The following TANC2 variants were observed in gnomAD, a reference collection of about 807,000 sequenced individuals.
The protein encoded by TANC2 is protein TANC2.
TANC2 carries 26 observed loss-of-function variants against 210.5 expected under a neutral mutation model. The observed-to-expected ratio is 0.12, with a 90% CI of 0.09 to 0.17. The LOEUF is 0.17. Ranked by LOEUF, TANC2 falls within the 10% of genes least tolerant of loss-of-function variation. TANC2 has a pLI of 1.00. For missense variants in TANC2, 2,129 were observed against 2,608.9 expected (o/e 0.82, Z 4.01); for synonymous variants, 931 against 967.1 (o/e 0.96, Z 0.69).
intron 3 of TANC2, among the ~76,000 whole-genome samples, chr17:63,095,943 A>C (rs1355690431): frequency 6.6e-6 from 1 of 152,212 alleles, no homozygotes; most frequent in African/African-American, 2.4e-5. Flanking sequence ...GAGTGTTATT[A>C]GTTTCTAAAA....
At chr17:63,220,574 C>T (rs2042143951) in intron 7 of TANC2, among the ~76,000 whole-genome samples, 3 of 151,016 alleles carry the variant, frequency 2.0e-5, no homozygotes, top group East Asian at 3.9e-4. Context: ...TGTGGTAGCG[C>T]GTGTCTCTAG....
chr17:63,229,264 C>T (rs1188413445), intron 7 of TANC2, among the ~76,000 whole-genome samples: 3 of 152,110 alleles, frequency 2.0e-5, no homozygotes, highest in African/African-American at 4.8e-5. Flanking sequence ...AGCCTTGCAC[C>T]CCAGGGATGA....
intron 4 of TANC2, chr17:63,149,091 C>T (rs149555291): frequency 6.6e-6 from 1 of 152,166 alleles, no homozygotes; most frequent in East Asian, 1.9e-4. Flanking sequence ...TAAAGATAAC[C>T]TCAGTTGGAA....
intron 2 of TANC2, among the ~76,000 whole-genome samples, chr17:63,054,233 C>A (rs942867890): frequency 2.0e-5 from 3 of 152,128 alleles, no homozygotes; most frequent in African/African-American, 7.2e-5. Flanking sequence ...ATGCCTAAAC[C>A]AAGTCTAGCT....
intron 2 of TANC2, among the ~76,000 whole-genome samples, chr17:63,057,123 C>T (rs2144485583): frequency 6.6e-6 from 1 of 152,110 alleles, no homozygotes; most frequent in Non-Finnish European, 1.5e-5. Context: ...CCATCATGTC[C>T]AGTTGAGGGC....
At chr17:63,387,172 A>G (rs757819517) in intron 15 of TANC2, among the ~76,000 whole-genome samples, 14 of 152,156 alleles carry the variant, frequency 9.2e-5, no homozygotes, top group Non-Finnish European at 2.9e-5. Context: ...TTTAATAGGA[A>G]AGTTCAATGA....
At chr17:63,227,561 G>T (rs1293490858) in intron 7 of TANC2, among the ~76,000 whole-genome samples, 1 of 152,138 alleles carries the variant, frequency 6.6e-6, no homozygotes, top group African/African-American at 2.4e-5. Flanking sequence ...TAGGTTGTCA[G>T]TTCACTCTGA....
intron 7 of TANC2, among the ~76,000 whole-genome samples, chr17:63,223,448 G>A (rs555078519): frequency 1.8e-4 from 27 of 152,312 alleles, no homozygotes; most frequent in African/African-American, 5.5e-4. Context: ...TGCTCCACAG[G>A]CAGAGCAGCC....
At chr17:63,272,902 GGAACTTCATATAGGCA>G (rs983597093) in intron 9 of TANC2, among the ~76,000 whole-genome samples, 1 of 152,088 alleles carries the variant, frequency 6.6e-6, no homozygotes, top group African/African-American at 2.4e-5. Flanking sequence ...GCATTGATTG[GGAACTTCATATAGGCA>G]GAATCTTGTA....
intron 2 of TANC2, among the ~76,000 whole-genome samples, chr17:63,033,097 G>A (rs1417694809): frequency 6.6e-6 from 1 of 152,168 alleles, no homozygotes; most frequent in Non-Finnish European, 1.5e-5. Flanking sequence ...ATCTGAGCAT[G>A]GGAACTCTGC....
intron 11 of TANC2, among the ~76,000 whole-genome samples, chr17:63,337,344 A>G (rs1251455998): frequency 2.6e-5 from 4 of 152,110 alleles, no homozygotes; most frequent in Non-Finnish European, 4.4e-5. Context: ...ATTTTTTACT[A>G]TAATTCTAAG....
chr17:63,162,791 T>C (rs1030797313), intron 5 of TANC2, among the ~76,000 whole-genome samples: 7 of 151,896 alleles, frequency 4.6e-5, no homozygotes, highest in Admixed American at 2.0e-4. Context: ...GAAAGAAATA[T>C]TGAGATTTGA....
Position 62,991,149 on chromosome 17 carries a change from G to A in TANC2, c.-23-18388G>A, listed in dbSNP as rs575597342. ...AAGGGGCAAGGGAGTTTGGGGGTTT[G>A]GTGGGAGAGTGATTGAAATGACAGA... On this transcript the variant is annotated intron_variant, in intron 1 of 27. Transcript: ENST00000689528. Among the ~76,000 whole-genome samples, 5 of 152,122 alleles carry A rather than the reference G, an allele frequency of 3.3e-5. No homozygotes were observed. The South Asian group carries it at 1.0e-3, about 32-fold the overall frequency.
At position 63,098,476 on chromosome 17, in the gene TANC2, ACACATACACT is replaced by A. The variant is rs1346534582; in HGVS notation, c.140-697_140-688del. ...CACACACACACACACACACACACAC[ACACATACACT>A]CTCTCTCTCTCTCTCTCTCTCTCTG... On this transcript the variant is annotated intron_variant, in intron 3 of 27. Transcript: ENST00000689528. Among the ~76,000 whole-genome samples, 65 of 34,862 alleles carry A rather than the reference ACACATACACT, an allele frequency of 1.9e-3. 3 individuals are homozygous for A. The highest frequency in any genetic ancestry group is 9.2e-3 in the African/African-American group (51 of 5,528). The allele number at this position is 34,862 out of a possible 152,430, so 22.9% of individuals were successfully genotyped here.
At chr17:63,291,805 C>G (rs2044390996) in intron 9 of TANC2, among the ~76,000 whole-genome samples, 1 of 152,148 alleles carries the variant, frequency 6.6e-6, no homozygotes, top group East Asian at 1.9e-4. Context: ...TAGAGTGAAC[C>G]AGCAACCCCT....
At chr17:63,304,215 A>G (rs1191013204) in intron 9 of TANC2, among the ~76,000 whole-genome samples, 1 of 152,014 alleles carries the variant, frequency 6.6e-6, no homozygotes, top group Non-Finnish European at 1.5e-5. Flanking sequence ...TCTCCTCTTC[A>G]TGAGTCTGTC....
At chr17:63,231,873 C>T (rs564424498) in intron 7 of TANC2, among the ~76,000 whole-genome samples, 1 of 152,304 alleles carries the variant, frequency 6.6e-6, no homozygotes, top group South Asian at 2.1e-4. Flanking sequence ...TGGTTCCATT[C>T]TCCCTGTCTC....
At chr17:63,195,079 A>G (rs1223510321) in intron 6 of TANC2, among the ~76,000 whole-genome samples, 1 of 152,158 alleles carries the variant, frequency 6.6e-6, no homozygotes, top group Non-Finnish European at 1.5e-5. Context: ...GGATTATTTG[A>G]ATATATTTAT....
chr17:63,206,032 G>A (rs1309331942), intron 7 of TANC2, among the ~76,000 whole-genome samples: 1 of 152,054 alleles, frequency 6.6e-6, no homozygotes, highest in Admixed American at 6.5e-5. Context: ...TTCAAAAATG[G>A]GAAAAAGACT....
Sources: gnomAD v4.1 joint callset for allele counts (sites outside exome capture counted in the v4.1 genomes callset) on GRCh38, gnomAD v4.1.1 for gene constraint, MANE v1.5 for transcripts, NCBI Gene and HGNC (gene_info 2026-07-23, HGNC 2026-07-21) for gene names.